The following PLPP1 variants were observed in gnomAD, a reference collection of about 807,000 sequenced individuals.
PLPP1 encodes the protein phospholipid phosphatase 1.
A neutral mutation model predicts 31.2 loss-of-function variants in PLPP1; 24 were observed. That is an observed-to-expected ratio of 0.77 (90% CI 0.56 to 1.08). PLPP1 has a LOEUF of 1.08. Among genes scored for constraint, PLPP1 ranks in the 50% least tolerant of loss-of-function variants. PLPP1 has a pLI of 0.00. For synonymous variants in PLPP1, 146 were observed against 126.3 expected (o/e 1.16, Z -1.05); for missense variants, 319 against 342.7 (o/e 0.93, Z 0.55).
At chr5:55,452,350 G>A (rs149422465) in intron 3 of PLPP1, among the ~76,000 whole-genome samples, 7 of 152,272 alleles carry the variant, frequency 4.6e-5, no homozygotes, top group African/African-American at 1.7e-4. Flanking sequence ...TGTCGCTCAT[G>A]TGCCATGTGG....
chr5:55,514,695 AAT>A (rs1424097440), intron 1 of PLPP1, among the ~76,000 whole-genome samples: 2 of 152,244 alleles, frequency 1.3e-5, no homozygotes, highest in African/African-American at 4.8e-5. Flanking sequence ...AAGGCACACA[AAT>A]ATAAGGCATA....
At chr5:55,444,174 C>T (rs546265686) in intron 3 of PLPP1, among the ~76,000 whole-genome samples, 1 of 149,438 alleles carries the variant, frequency 6.7e-6, no homozygotes, top group Non-Finnish European at 1.5e-5. Flanking sequence ...CTCCGCCTCC[C>T]GGGTTCAAGC....
At chr5:55,454,403 G>GT (rs1298117529) in intron 3 of PLPP1, among the ~76,000 whole-genome samples, 2 of 152,140 alleles carry the variant, frequency 1.3e-5, no homozygotes, top group East Asian at 3.9e-4. Context: ...TTTTCTGTCT[G>GT]TCTGCTCAAT....
At chr5:55,439,403 T>C (rs1247804430) in intron 4 of PLPP1, among the ~76,000 whole-genome samples, 2 of 152,204 alleles carry the variant, frequency 1.3e-5, no homozygotes, top group Non-Finnish European at 2.9e-5. Flanking sequence ...ACTTTCCTTT[T>C]TCTGTCCATA....
chr5:55,452,114 T>C (rs766328657), intron 3 of PLPP1, among the ~76,000 whole-genome samples: 2 of 152,102 alleles, frequency 1.3e-5, no homozygotes, highest in Non-Finnish European at 2.9e-5. Context: ...TCCAGAACCA[T>C]CACTTGCCAA....
chr5:55,431,441 G>A (rs1270122370), intron 4 of PLPP1, among the ~76,000 whole-genome samples: 2 of 152,146 alleles, frequency 1.3e-5, no homozygotes, highest in East Asian at 1.9e-4. Context: ...TTCTCAGATC[G>A]TGATGGAATA....
chr5:55,473,544 T>C (rs1385125225), intron 2 of PLPP1, among the ~76,000 whole-genome samples: 1 of 152,156 alleles, frequency 6.6e-6, no homozygotes, highest in African/African-American at 2.4e-5. Flanking sequence ...ATTAAGAAGC[T>C]TTTCTTTTTT....
intron 1 of PLPP1, chr5:55,530,416 G>A (rs1264918371): frequency 3.2e-6 from 4 of 1,262,042 alleles, no homozygotes; most frequent in African/African-American, 1.5e-5. Context: ...TGACACAGGG[G>A]ACACTTATAA....
intron 2 of PLPP1, among the ~76,000 whole-genome samples, chr5:55,468,863 A>G (rs1752361217): frequency 1.3e-5 from 2 of 152,166 alleles, no homozygotes; most frequent in Non-Finnish European, 2.9e-5. Context: ...TCCTGTGTAT[A>G]AGTACTTTTA....
In PLPP1 at chr5:55,534,603, G is replaced by T. The variant is rs1740816958; in HGVS notation, c.27C>A (p.Tyr9Ter). ...ACACGCAGAGCACATCGAGGGCCAC[G>T]TACGGCAGCCGCGTCTTGTCAAACA... Reference protein sequence around the residue: MFDKTRLPYVALDVLCVLL... With the variant: MFDKTRLP The change falls in exon 1 of 6, where the codon TAC becomes TAA. Residue 9 changes from tyrosine to a stop codon, truncating the protein, a stop_gained. Transcript: ENST00000307259. LOFTEE classifies it high-confidence loss of function. 4 of 1,558,348 alleles carry T rather than the reference G, an allele frequency of 2.6e-6. No homozygotes were observed. The highest frequency in any genetic ancestry group is 3.5e-6 in the Non-Finnish European group (4 of 1,154,164).
At chr5:55,454,295 A>C (rs1192338887) in intron 3 of PLPP1, among the ~76,000 whole-genome samples, 2 of 152,170 alleles carry the variant, frequency 1.3e-5, no homozygotes, top group African/African-American at 4.8e-5. Flanking sequence ...TTTATTATAT[A>C]AACGAACAGT....
chr5:55,496,356 G>A (rs558246456), intron 1 of PLPP1, among the ~76,000 whole-genome samples: 1 of 152,200 alleles, frequency 6.6e-6, no homozygotes, highest in Non-Finnish European at 1.5e-5. Context: ...ATTTCCTTAA[G>A]AGGAGTCACT....
intron 3 of PLPP1, among the ~76,000 whole-genome samples, chr5:55,445,741 C>T (rs1186597726): frequency 1.3e-5 from 2 of 152,004 alleles, no homozygotes; most frequent in Non-Finnish European, 2.9e-5. Flanking sequence ...GACAGGGTTT[C>T]ACCGTGTTGC....
At chr5:55,434,715 A>G (rs561873119) in intron 4 of PLPP1, among the ~76,000 whole-genome samples, 2 of 152,290 alleles carry the variant, frequency 1.3e-5, no homozygotes, top group South Asian at 4.1e-4. Flanking sequence ...AAAATTGGAT[A>G]TCCATATGCA....
At position 55,521,228 on chromosome 5, in the gene PLPP1, C is replaced by T. The variant is rs1221960639; in HGVS notation, c.58+13344G>A. Among the ~76,000 whole-genome samples, 2 of 152,092 alleles carry T rather than the reference C, an allele frequency of 1.3e-5. 1 individual carries two copies. The highest frequency in any genetic ancestry group is 3.9e-4 in the East Asian group (2 of 5,184). ...ATTAGCCAGGCGTGGTGGCACATAC[C>T]TGTAATCCCAGCTACTCGGGAGGCT... On this transcript the variant is annotated intron_variant, in intron 1 of 5. Coordinates refer to ENST00000307259, the MANE Select transcript of PLPP1 (RefSeq NM_003711.4).
intron 1 of PLPP1, among the ~76,000 whole-genome samples, chr5:55,509,399 T>C (rs1753356171): frequency 6.6e-6 from 1 of 152,192 alleles, no homozygotes; most frequent in Non-Finnish European, 1.5e-5. Context: ...CCTCAACTTT[T>C]AGAGGCACCT....
At chr5:55,508,804 A>G (rs1179755408) in intron 1 of PLPP1, 1 of 154,164 alleles carries the variant, frequency 6.5e-6, no homozygotes, top group African/African-American at 2.4e-5. Context: ...CCAGGTGTAC[A>G]CTGGCTGTCA....
intron 1 of PLPP1, chr5:55,530,345 C>G (rs555346684): frequency 2.2e-6 from 3 of 1,393,586 alleles, no homozygotes; most frequent in African/African-American, 2.8e-5. Context: ...CAGGAACTAT[C>G]TGAAATAAGT....
chr5:55,428,706 A>G (rs1751269447), intron 4 of PLPP1, among the ~76,000 whole-genome samples: 1 of 152,210 alleles, frequency 6.6e-6, no homozygotes, highest in Non-Finnish European at 1.5e-5. Flanking sequence ...GACACAGCTC[A>G]TGCTTCAGCG....
Sources: allele counts gnomAD v4.1 joint callset (sites outside exome capture counted in the v4.1 genomes callset), GRCh38; gene constraint gnomAD v4.1.1; transcripts MANE v1.5; gene names NCBI Gene and HGNC (gene_info 2026-07-23, HGNC 2026-07-21).